LARP4B: variants seen among roughly 807,000 people sequenced by gnomAD.
The protein encoded by LARP4B is La ribonucleoprotein 4B.
In LARP4B, 12 loss-of-function variants were observed where a neutral mutation model predicts 89.8. The observed-to-expected ratio is 0.13, with a 90% CI of 0.09 to 0.22. The LOEUF (loss-of-function observed/expected upper bound fraction) is 0.22. LARP4B is among the 10% of genes least tolerant of loss of function. The probability of loss-of-function intolerance (pLI) is 1.00; values close to 1 mark genes in which losing one functional copy is unlikely to be tolerated. For missense variants in LARP4B, 757 were observed against 947.7 expected, an observed-to-expected ratio of 0.80 and a Z score of 2.64; for synonymous variants, 367 against 363.3, an observed-to-expected ratio of 1.01 and a Z score of -0.12.
the LARP4B span, chr10:973,060 C>T: frequency 5.4e-6 from 2 of 367,276 alleles, no homozygotes; most frequent in Admixed American, 7.2e-5. Context: ...CCACTCAGTG[C>T]CCACTCAGCT....
chr10:926,250 T>C (rs1837130279), intron 1 of LARP4B, among the ~76,000 whole-genome samples: 1 of 152,252 alleles, frequency 6.6e-6, no homozygotes, highest in Non-Finnish European at 1.5e-5. Flanking sequence ...ACTTAGTTGC[T>C]ACAGAAACAG....
chr10:820,508 G>A (rs1200018033), intron 14 of LARP4B: 5 of 368,102 alleles, frequency 1.4e-5, no homozygotes, highest in African/African-American at 4.1e-5. Context: ...GTGCACACCC[G>A]TGTGTAGGCT....
chr10:939,004 G>A, the LARP4B span, among the ~76,000 whole-genome samples: 1 of 152,214 alleles, frequency 6.6e-6, no homozygotes, highest in African/African-American at 2.4e-5. Flanking sequence ...TACAGGCAGG[G>A]TTCCTGACAC....
chr10:960,159 C>T, the LARP4B span, among the ~76,000 whole-genome samples: 6,435 of 152,136 alleles, frequency 0.042, 158 homozygotes, highest in Middle Eastern at 0.078. Context: ...ACGAGTCCAA[C>T]GACAGAACGT....
At chr10:863,183 C>T (rs1834712464) in intron 5 of LARP4B, among the ~76,000 whole-genome samples, 1 of 152,100 alleles carries the variant, frequency 6.6e-6, no homozygotes, top group Non-Finnish European at 1.5e-5. Context: ...TAACGTTCCA[C>T]CTCTGCACTT....
chr10:962,820 AG>A, the LARP4B span, among the ~76,000 whole-genome samples: 11 of 152,140 alleles, frequency 7.2e-5, no homozygotes, highest in African/African-American at 2.7e-4. Flanking sequence ...GACCTCCCTC[AG>A]ACAACCACAG....
chr10:814,305 C>T lies in LARP4B; in HGVS notation c.1929+437G>A, dbSNP rs1831901921. 1.1e-5 allele frequency: 3 copies of T among 278,090 alleles called. No homozygotes were observed. The highest frequency in any genetic ancestry group is 1.2e-4 in the East Asian group (1 of 8,684). The allele number at this position is 278,090 out of a possible 1,614,324, so 17.2% of individuals were successfully genotyped here. A position where few individuals can be genotyped will look rare whatever the true frequency, so the allele number is the denominator to read the frequency against. Reference sequence around the variant, plus strand: ...GTAGGGAAAACAGCAGAAAGGAAGTCGCTGGGGTTCAGGCCTGCTGGGCCC... The same window carrying T: ...GTAGGGAAAACAGCAGAAAGGAAGTTGCTGGGGTTCAGGCCTGCTGGGCCC... On this transcript the variant is annotated intron_variant, in intron 17 of 17. Transcript: ENST00000316157. The surrounding 1 kb of genome is among the most constrained non-coding windows in gnomAD (Gnocchi z 4.4).
In LARP4B at chr10:815,050, G is replaced by A. The variant is rs144883024; in HGVS notation, c.1716C>T (p.Ser572=). The A allele has an allele frequency of 6.7e-4, 1,062 of 1,593,288 alleles. 6 individuals are homozygous for A. The African/African-American group carries it at 0.011, about 16-fold the overall frequency. Residue 572 remains serine (S), a synonymous_variant, in exon 16 of 18, where the codon AGC becomes AGT. Coordinates refer to ENST00000316157, the MANE Select transcript of LARP4B (RefSeq NM_015155.3). Reference sequence around the variant, plus strand: ...AGACCACTACAGGAAGGGTGTTCACGCTTGCGTCTGCACTGAGGGTCTGAA... The same window carrying A: ...AGACCACTACAGGAAGGGTGTTCACACTTGCGTCTGCACTGAGGGTCTGAA... The part of the protein sequence containing the change: ...SKERTLSADA[S]VNTLPVVVSR...
chr10:845,923 G>C (rs759377171), intron 5 of LARP4B, among the ~76,000 whole-genome samples: 3 of 152,176 alleles, frequency 2.0e-5, no homozygotes, highest in Admixed American at 6.5e-5. Context: ...ACCATGAAAA[G>C]GCAAAGACAA....
chr10:817,305 G>A (rs576772880), intron 15 of LARP4B, among the ~76,000 whole-genome samples: 1 of 152,360 alleles, frequency 6.6e-6, no homozygotes, highest in South Asian at 2.1e-4. Flanking sequence ...CGACACTACA[G>A]TGAGGTTCTC....
chr10:957,800 C>CTTTTTTTTT, the LARP4B span, among the ~76,000 whole-genome samples: 10 of 125,100 alleles, frequency 8.0e-5, no homozygotes, highest in South Asian at 2.5e-4. Context: ...CATTTTCTTT[C>CTTTTTTTTT]TTTTTTTTTT....
chr10:883,451 C>T (rs975827992), intron 3 of LARP4B, among the ~76,000 whole-genome samples: 3 of 151,984 alleles, frequency 2.0e-5, no homozygotes, highest in East Asian at 1.9e-4. Flanking sequence ...GCGGAGGTTG[C>T]GGTGACCAAG....
At chr10:904,468 C>G (rs974580612) in intron 1 of LARP4B, among the ~76,000 whole-genome samples, 1 of 148,422 alleles carries the variant, frequency 6.7e-6, no homozygotes. Flanking sequence ...TTAAGAGGCT[C>G]ACTTGAGCCT....
chr10:882,960 A>G (rs1835729239), intron 3 of LARP4B, among the ~76,000 whole-genome samples: 1 of 152,356 alleles, frequency 6.6e-6, no homozygotes, highest in East Asian at 1.9e-4. Context: ...CTCCTGGTCA[A>G]CTATGAAGCA....
intron 1 of LARP4B, among the ~76,000 whole-genome samples, chr10:918,632 CAAAAA>C (rs57396015): frequency 6.3e-3 from 306 of 48,366 alleles, no homozygotes; most frequent in African/African-American, 0.022. Context: ...GACCCTGTCT[CAAAAA>C]AAAAAAAAAA....
intron 1 of LARP4B, among the ~76,000 whole-genome samples, chr10:893,728 A>T (rs1836106969): frequency 6.6e-6 from 1 of 152,212 alleles, no homozygotes; most frequent in South Asian, 2.1e-4. Flanking sequence ...GAAGCCATGA[A>T]GACAACTGGT....
chr10:850,891 C>G (rs1355613044), intron 5 of LARP4B, among the ~76,000 whole-genome samples: 2 of 151,594 alleles, frequency 1.3e-5, no homozygotes, highest in African/African-American at 4.8e-5. Flanking sequence ...GAAAAAAAAT[C>G]AAAAAAGAAA....
chr10:940,007 G>A, the LARP4B span, among the ~76,000 whole-genome samples: 10 of 149,266 alleles, frequency 6.7e-5, no homozygotes, highest in South Asian at 2.1e-4. Context: ...CACCACGCCC[G>A]GCTAATTTTT....
rs183550044 is a variant in LARP4B at position 832,080 on chromosome 10, T to A, written c.751-1103A>T. Reference sequence around the variant, plus strand: ...TATTTTTGAGACGGAGTCTCGCTCTTTCGCCCAGGCCAGAGTTCAGTGGCG... The same window carrying A: ...TATTTTTGAGACGGAGTCTCGCTCTATCGCCCAGGCCAGAGTTCAGTGGCG... On this transcript the variant is annotated intron_variant, in intron 8 of 17. Transcript: ENST00000316157. 2.3e-3 allele frequency among the ~76,000 whole-genome samples: 350 copies of A among 152,340 alleles called. 1 individual carries two copies. The highest frequency in any genetic ancestry group is 8.0e-3 in the African/African-American group (332 of 41,590).
Sources: gnomAD v4.1 joint callset for allele counts (sites outside exome capture counted in the v4.1 genomes callset) on GRCh38, gnomAD v4.1.1 for gene constraint, Gnocchi (gnomAD v3.1) non-coding constraint, MANE v1.5 for transcripts, NCBI Gene and HGNC (gene_info 2026-07-23, HGNC 2026-07-21) for gene names.